BCL2L15: variants seen among roughly 807,000 people sequenced by gnomAD.
BCL2L15 encodes the protein bcl-2-like protein 15.
A neutral mutation model predicts 18.3 loss-of-function variants in BCL2L15; 15 were observed. The ratio of observed to expected loss-of-function variants is 0.82; its 90% CI spans 0.55 to 1.26. The LOEUF is 1.26. BCL2L15 is among the 50% of genes most tolerant of loss of function. The pLI is 0.00. For missense variants in BCL2L15, 180 were observed against 201.7 expected, an observed-to-expected ratio of 0.89 and a Z score of 0.65; for synonymous variants, 58 against 68.5, an observed-to-expected ratio of 0.85 and a Z score of 0.76.
rs779068934 is a variant in BCL2L15, at chr1:113,881,827, AC to A, written c.419del (p.Gly140ValfsTer2). On this transcript the variant is annotated frameshift_variant, in exon 3 of 4. Coordinates refer to ENST00000393316, the MANE Select transcript of BCL2L15 (RefSeq NM_001010922.3). LOFTEE classifies it high-confidence loss of function. ...GGATGGCTTGGTTCCCATTGATCATACCCGTCATGGGGATAGCCACCTGTCC... is the reference window on the plus strand; with the variant it reads ...GGATGGCTTGGTTCCCATTGATCATACCGTCATGGGGATAGCCACCTGTCC... ...VVGQVAIPMT[G>X]MINGNQAIRE... The A allele has an allele frequency of 1.7e-5, 27 of 1,614,044 alleles. No individual in the cohort carries two copies. Among genetic ancestry groups the A allele is most frequent in the Non-Finnish European group, 2.0e-5 (24 of 1,180,022 alleles).
intron 2 of BCL2L15, among the ~76,000 whole-genome samples, chr1:113,885,424 G>T (rs565669114): frequency 6.6e-6 from 1 of 151,868 alleles, no homozygotes; most frequent in Admixed American, 6.6e-5. Context: ...ACGGTTAAGA[G>T]GGTGGTTCTT....
chr1:113,881,907 C>T lies in BCL2L15; in HGVS notation c.340G>A (p.Ala114Thr). 6.2e-7 allele frequency: 1 copy of T among 1,614,172 alleles called. No individual in the cohort carries two copies. Among genetic ancestry groups the T allele is most frequent in the Non-Finnish European group, 8.5e-7 (1 of 1,180,008 alleles). Residue 114 changes from alanine (A) to threonine (T), a missense_variant, in exon 3 of 4, where the codon GCA (alanine) becomes ACA (threonine). Transcript: ENST00000393316. ...TACTCAAGAAGTTTCACTGACACTG[C>T]CAGAAAAGCTCTCTCATAAGCTAAG... is the stretch of plus-strand genomic sequence containing the variant. ...SSLAYERAFLAVSVKLLEYMA... is the reference protein window; with the variant it reads ...SSLAYERAFLTVSVKLLEYMA...
intron 3 of BCL2L15, 125 bp from the exon 4 acceptor site, chr1:113,881,265 G>C (rs1168429302): frequency 2.8e-6 from 4 of 1,425,322 alleles, no homozygotes; most frequent in African/African-American, 2.8e-5. Flanking sequence ...CACTGACCCT[G>C]TAAATGGAAA....
rs1054073219 is a variant in BCL2L15, at chr1:113,879,758, A to G, written c.*1365T>C. 4.6e-5 allele frequency: 7 copies of G among 152,242 alleles called. No homozygotes were observed. Among genetic ancestry groups the G allele is most frequent in the African/African-American group, 1.7e-4 (7 of 41,472 alleles). 9.4% of individuals were successfully genotyped at this position (152,242 alleles called of 1,614,324 possible). On this transcript the variant is annotated 3_prime_UTR_variant, in exon 4 of 4. Transcript: ENST00000393316. ...GACTTAACCAGCCATATGGTCTTCT[A>G]TAATCATTCAACTCTGCCATTGTAG...
chr1:113,883,349 G>A (rs1666937297), intron 2 of BCL2L15, among the ~76,000 whole-genome samples: 1 of 152,014 alleles, frequency 6.6e-6, no homozygotes. Context: ...GGGTGTGGTG[G>A]TATGCACCTG....
At chr1:113,884,202 T>G (rs7524200) in intron 2 of BCL2L15, among the ~76,000 whole-genome samples, 48,900 of 152,046 alleles carry the variant, frequency 0.32, 9,509 homozygotes, top group East Asian at 0.78. Flanking sequence ...TCAATACTGG[T>G]ATAAAATGAA....
Position 113,881,875 on chromosome 1 carries a change from A to G in BCL2L15, c.372T>C (p.Ala124=). Residue 124 remains alanine, a synonymous_variant, in exon 3 of 4, where the codon GCT becomes GCC. Coordinates refer to ENST00000393316, the MANE Select transcript of BCL2L15 (RefSeq NM_001010922.3). ...GTCCCACTACTTCAGGAGCAATGTG[A>G]GCCATGTACTCAAGAAGTTTCACTG... is the stretch of plus-strand genomic sequence containing the variant. The part of the protein sequence containing the change: ...AVSVKLLEYM[A]HIAPEVVGQV... 6.2e-7 allele frequency: 1 copy of G among 1,614,216 alleles called. No individual in the cohort carries two copies. The highest frequency in any genetic ancestry group is 8.5e-7 in the Non-Finnish European group (1 of 1,180,030).
intron 2 of BCL2L15, among the ~76,000 whole-genome samples, chr1:113,882,412 A>G (rs185882346): frequency 9.2e-5 from 14 of 152,316 alleles, no homozygotes; most frequent in African/African-American, 3.4e-4. Flanking sequence ...TGGGAGGCTG[A>G]GACTGGGAGA....
rs1415638207 is a variant in BCL2L15 at position 113,878,135 on chromosome 1, G to T, written c.*2988C>A. The T allele has an allele frequency of 6.6e-6, 1 of 152,252 alleles. No individual in the cohort carries two copies. The highest frequency in any genetic ancestry group is 1.5e-5 in the Non-Finnish European group (1 of 68,022). The allele number at this position is 152,252 out of a possible 1,614,324, so 9.4% of individuals were successfully genotyped here. On this transcript the variant is annotated 3_prime_UTR_variant, in exon 4 of 4. Transcript: ENST00000393316. ...AACACAGAATTCCAAATTGCTAATG[G>T]CACAGTGTTTAAAATATTCCAAGTA...
In BCL2L15 at chr1:113,887,270, A is replaced by C; in HGVS notation, c.106T>G (p.Cys36Gly). 6.2e-7 allele frequency: 1 copy of C among 1,614,130 alleles called. No homozygotes were observed. Among genetic ancestry groups the C allele is most frequent in the African/African-American group, 1.3e-5 (1 of 75,032 alleles). ...TTACCTGAATCTACTTCATCTACAC[A>C]GCATAGGTTCCGGCTGGCAACCTGC... The part of the protein sequence containing the change: ...TLQVASRNLC[C>G]VDEVDSGEPC... The change falls in exon 1 of 4, where the codon TGT becomes GGT. Residue 36 changes from cysteine (C) to glycine (G), a missense_variant. Cys to Gly is a radical substitution (Grantham distance 159). Transcript: ENST00000393316.
chr1:113,882,829 A>G (rs544880686), intron 2 of BCL2L15, among the ~76,000 whole-genome samples: 50 of 152,182 alleles, frequency 3.3e-4, no homozygotes, highest in Non-Finnish European at 6.9e-4. Context: ...AGTCCCAACT[A>G]CTTATGAGGC....
At chr1:113,884,203 A>G (rs1173367683) in intron 2 of BCL2L15, among the ~76,000 whole-genome samples, 1 of 152,226 alleles carries the variant, frequency 6.6e-6, no homozygotes, top group Non-Finnish European at 1.5e-5. Flanking sequence ...CAATACTGGT[A>G]TAAAATGAAA....
chr1:113,882,584 G>A (rs1366990796), intron 2 of BCL2L15, among the ~76,000 whole-genome samples: 1 of 152,180 alleles, frequency 6.6e-6, no homozygotes, highest in Non-Finnish European at 1.5e-5. Flanking sequence ...GGCGAAGGTT[G>A]AAGTGAGCCG....
chr1:113,881,508 A>C (rs1045920684), intron 3 of BCL2L15: 3 of 1,364,072 alleles, frequency 2.2e-6, no homozygotes, highest in Non-Finnish European at 2.8e-6. Flanking sequence ...TTTATAGATG[A>C]TTATGTGTAG....
At chr1:113,883,240 T>C (rs1161024438) in intron 2 of BCL2L15, among the ~76,000 whole-genome samples, 2 of 152,070 alleles carry the variant, frequency 1.3e-5, no homozygotes, top group African/African-American at 4.8e-5. Flanking sequence ...CCCAGTACTT[T>C]GGGAGGCCAA....
Position 113,881,083 on chromosome 1 carries a change from C to T in BCL2L15, c.*40G>A, listed in dbSNP as rs759929546. The T allele has an allele frequency of 6.2e-7, 1 of 1,613,888 alleles. No individual in the cohort carries two copies. Among genetic ancestry groups the T allele is most frequent in the Admixed American group, 1.7e-5 (1 of 60,012 alleles). On this transcript the variant is annotated 3_prime_UTR_variant, in exon 4 of 4. Coordinates refer to ENST00000393316, the MANE Select transcript of BCL2L15 (RefSeq NM_001010922.3). The stretch of plus-strand genomic sequence containing the variant: ...AGGAATCAATCACCCAATCAGTCAA[C>T]AAGGAAGTGATGTTCAGTCTCGTGA...
rs750255772 is a variant in BCL2L15 at position 113,887,254 on chromosome 1, T to C, written c.122A>G (p.Asp41Gly). Residue 41 changes from aspartate (D) to glycine (G), a missense_variant, in exon 1 of 4, where the codon GAT becomes GGT. Coordinates refer to ENST00000393316, the MANE Select transcript of BCL2L15 (RefSeq NM_001010922.3). ...GCCTAGGGCAGGAACCTTACCTGAA[T>C]CTACTTCATCTACACAGCATAGGTT... ...SRNLCCVDEV[D>G]SGEPCSFDVA... The C allele has an allele frequency of 6.2e-7, 1 of 1,613,654 alleles. No homozygotes were observed. The highest frequency in any genetic ancestry group is 8.5e-7 in the Non-Finnish European group (1 of 1,179,834).
chr1:113,881,841 T>G lies in BCL2L15; in HGVS notation c.406A>C (p.Ile136Leu), dbSNP rs746446095. 10 of 1,614,194 alleles carry G rather than the reference T, an allele frequency of 6.2e-6. 1 individual carries two copies. The South Asian group carries it at 1.1e-4, about 18-fold the overall frequency. The change falls in exon 3 of 4, where the codon ATC (isoleucine) becomes CTC (leucine). Residue 136 changes from isoleucine to leucine, a missense_variant. Coordinates refer to ENST00000393316, the MANE Select transcript of BCL2L15 (RefSeq NM_001010922.3). The stretch of plus-strand genomic sequence containing the variant: ...CCATTGATCATACCCGTCATGGGGA[T>G]AGCCACCTGTCCCACTACTTCAGGA... Reference protein sequence around the residue: ...IAPEVVGQVAIPMTGMINGNQ... With the variant: ...IAPEVVGQVALPMTGMINGNQ...
Position 113,878,793 on chromosome 1 carries a change from T to C in BCL2L15, c.*2330A>G, listed in dbSNP as rs561178377. The C allele has an allele frequency of 7.9e-5, 12 of 152,232 alleles. No individual in the cohort carries two copies. Among genetic ancestry groups the C allele is most frequent in the Non-Finnish European group, 1.6e-4 (11 of 68,024 alleles). The allele number at this position is 152,232 out of a possible 1,614,324, so 9.4% of individuals were successfully genotyped here. A position where few individuals can be genotyped will look rare whatever the true frequency, so the allele number is the denominator to read the frequency against. On this transcript the variant is annotated 3_prime_UTR_variant, in exon 4 of 4. Coordinates refer to ENST00000393316, the MANE Select transcript of BCL2L15 (RefSeq NM_001010922.3). ...AAAGAGAAACAGGACACATCATTTATGGATTACTAACTTGTTGTGATTTAA... is the reference window on the plus strand; with the variant it reads ...AAAGAGAAACAGGACACATCATTTACGGATTACTAACTTGTTGTGATTTAA...
Sources: allele counts gnomAD v4.1 joint callset (sites outside exome capture counted in the v4.1 genomes callset), GRCh38; gene constraint gnomAD v4.1.1; transcripts MANE v1.5; gene names NCBI Gene and HGNC (gene_info 2026-07-23, HGNC 2026-07-21).